ZC2HC1A: variants seen among roughly 807,000 people sequenced by gnomAD.
ZC2HC1A encodes zinc finger C2HC-type containing 1A.
ZC2HC1A carries 28 observed loss-of-function variants against 40.7 expected under a neutral mutation model. The ratio of observed to expected loss-of-function variants is 0.69; its 90% CI spans 0.51 to 0.94. ZC2HC1A has a LOEUF of 0.94. Ranked by LOEUF, ZC2HC1A falls within the 40% of genes least tolerant of loss-of-function variation. The probability of loss-of-function intolerance (pLI) is 0.00; values close to 1 mark genes in which losing one functional copy is unlikely to be tolerated. For synonymous variants in ZC2HC1A, 129 were observed against 129.2 expected, an observed-to-expected ratio of 1.00 and a Z score of 0.01; for missense variants, 389 against 386.3, an observed-to-expected ratio of 1.01 and a Z score of -0.06.
intron 5 of ZC2HC1A, among the ~76,000 whole-genome samples, chr8:78,690,270 T>C (rs77501914): frequency 0.037 from 5,630 of 152,302 alleles, 316 homozygotes; most frequent in African/African-American, 0.13. Flanking sequence ...TTTAAAATTT[T>C]CTTTGGCAGC....
At chr8:78,667,751 T>C (rs1809340056) in intron 1 of ZC2HC1A, among the ~76,000 whole-genome samples, 1 of 152,162 alleles carries the variant, frequency 6.6e-6, no homozygotes, top group East Asian at 1.9e-4. Flanking sequence ...TACATTTTAG[T>C]GGACCTTACA....
intron 5 of ZC2HC1A, among the ~76,000 whole-genome samples, chr8:78,696,335 G>A (rs1586010118): frequency 1.3e-5 from 2 of 152,002 alleles, no homozygotes; most frequent in Admixed American, 6.6e-5. Flanking sequence ...TGCCCAGCCC[G>A]TTAAAACCAA....
chr8:78,670,755 AG>A (rs1456349344), intron 1 of ZC2HC1A, among the ~76,000 whole-genome samples: 1 of 152,190 alleles, frequency 6.6e-6, no homozygotes, highest in Admixed American at 6.5e-5. Context: ...TAAAGTCCAG[AG>A]TTGGTTGTTT....
At chr8:78,705,476 C>CA (rs1282157143) in intron 7 of ZC2HC1A, among the ~76,000 whole-genome samples, 3 of 152,168 alleles carry the variant, frequency 2.0e-5, no homozygotes, top group African/African-American at 7.2e-5. Flanking sequence ...AGGGATGCCT[C>CA]AAACCTCTGT....
intron 5 of ZC2HC1A, among the ~76,000 whole-genome samples, chr8:78,692,204 C>T (rs990301208): frequency 6.6e-6 from 1 of 152,158 alleles, no homozygotes; most frequent in African/African-American, 2.4e-5. Context: ...CTTTCCCCCT[C>T]CCTTTAGCCT....
At chr8:78,710,478 A>G (rs1205926236) in intron 7 of ZC2HC1A, among the ~76,000 whole-genome samples, 1 of 152,038 alleles carries the variant, frequency 6.6e-6, no homozygotes, top group Non-Finnish European at 1.5e-5. Context: ...TCTTTCTTGA[A>G]CTGAACTTTG....
At chr8:78,680,286 CAAAAAAAAAAAAAAAAAAAAA>C (rs3070855) in intron 3 of ZC2HC1A, among the ~76,000 whole-genome samples, 1 of 88,152 alleles carries the variant, frequency 1.1e-5, no homozygotes, top group Non-Finnish European at 2.2e-5. Context: ...GACTCCGTCT[CAAAAAAAAAAAAAAAAAAAAA>C]AAAAAAAAGC....
chr8:78,712,977 A>G (rs1158773932), intron 7 of ZC2HC1A, among the ~76,000 whole-genome samples: 1 of 152,172 alleles, frequency 6.6e-6, no homozygotes, highest in African/African-American at 2.4e-5. Flanking sequence ...GCCATTTGCT[A>G]TTTTTAAGTA....
chr8:78,686,516 T>A lies in ZC2HC1A; in HGVS notation c.260T>A (p.Phe87Tyr), dbSNP rs1809979627. 1 of 1,550,062 alleles carries A rather than the reference T, an allele frequency of 6.5e-7. No individual in the cohort carries two copies. The highest frequency in any genetic ancestry group is 8.7e-7 in the Non-Finnish European group (1 of 1,147,622). ...AATTGGAGAAGGAAACATGAAGAAT[T>A]CATTGCTACCATAAGAGCAGCTAAA... ...PSNWRRKHEE[F>Y]IATIRAAKGL... The change falls in exon 4 of 9, where the codon TTC becomes TAC. Residue 87 changes from phenylalanine to tyrosine, a missense_variant. By Grantham distance (22) the Phe-to-Tyr change is conservative (BLOSUM62 3). Transcript: ENST00000263849.
intron 7 of ZC2HC1A, among the ~76,000 whole-genome samples, chr8:78,701,889 G>A (rs1470723958): frequency 2.0e-5 from 3 of 152,044 alleles, no homozygotes; most frequent in African/African-American, 7.2e-5. Flanking sequence ...GATTTGATTT[G>A]CTAGTATTTT....
chr8:78,716,478 TTTG>T (rs1295262562), intron 8 of ZC2HC1A, among the ~76,000 whole-genome samples: 1 of 151,984 alleles, frequency 6.6e-6, no homozygotes, highest in African/African-American at 2.4e-5. Context: ...TGCATAAGAG[TTTG>T]TTATTTATTG....
intron 3 of ZC2HC1A, among the ~76,000 whole-genome samples, chr8:78,684,171 C>T (rs1164367685): frequency 6.6e-6 from 1 of 152,200 alleles, no homozygotes; most frequent in Non-Finnish European, 1.5e-5. Flanking sequence ...CAGTACCCCA[C>T]TCCACCAGTA....
intron 2 of ZC2HC1A, among the ~76,000 whole-genome samples, chr8:78,676,866 G>A (rs1809598718): frequency 6.6e-6 from 1 of 151,676 alleles, no homozygotes; most frequent in African/African-American, 2.4e-5. Flanking sequence ...TTAACTTAAT[G>A]ATGTTATTAT....
intron 7 of ZC2HC1A, among the ~76,000 whole-genome samples, chr8:78,714,050 A>C (rs1463185343): frequency 6.6e-6 from 1 of 152,164 alleles, no homozygotes; most frequent in Non-Finnish European, 1.5e-5. Flanking sequence ...TTTCAACTAA[A>C]GTTTAAGAAC....
rs1810063508 is a variant in ZC2HC1A at position 78,687,821 on chromosome 8, ATATT to A, written c.352+1214_352+1217del. Among the ~76,000 whole-genome samples the A allele has an allele frequency of 3.1e-5, 4 of 127,082 alleles. No homozygotes were observed. In the Admixed American group the frequency reaches 3.8e-4, roughly 12 times the overall value. 83.4% of individuals were successfully genotyped at this position (127,082 alleles called of 152,430 possible). A position where few individuals can be genotyped will look rare whatever the true frequency, so the allele number is the denominator to read the frequency against. On this transcript the variant is annotated intron_variant, in intron 4 of 8. Coordinates refer to ENST00000263849, the MANE Select transcript of ZC2HC1A (RefSeq NM_016010.3). ...ATATATATTCATGTAATAAATATATATATTCATGTAATAAATTATATATATATTT... is the reference window on the plus strand; with the variant it reads ...ATATATATTCATGTAATAAATATATACATGTAATAAATTATATATATATTT...
Position 78,681,076 on chromosome 8 carries a change from T to C in ZC2HC1A, c.210+2397T>C, listed in dbSNP as rs2130456866. Reference sequence around the variant, plus strand: ...GGGCCTAACATAAAAGGCTGTGACCTTTTTTTTTTTTGAAGTGGTTCTCAT... The same window carrying C: ...GGGCCTAACATAAAAGGCTGTGACCCTTTTTTTTTTTGAAGTGGTTCTCAT... On this transcript the variant is annotated intron_variant, in intron 3 of 8. Transcript: ENST00000263849. Among the ~76,000 whole-genome samples, 5 of 140,368 alleles carry C rather than the reference T, an allele frequency of 3.6e-5. No individual in the cohort carries two copies. In the Middle Eastern group the frequency reaches 0.019, roughly 524 times the overall value. The allele number at this position is 140,368 out of a possible 152,430, so 92.1% of individuals were successfully genotyped here.
At chr8:78,674,028 A>G (rs1809504250) in intron 1 of ZC2HC1A, among the ~76,000 whole-genome samples, 1 of 152,150 alleles carries the variant, frequency 6.6e-6, no homozygotes, top group South Asian at 2.1e-4. Flanking sequence ...ATATTATTAT[A>G]TGGTAATATT....
intron 2 of ZC2HC1A, among the ~76,000 whole-genome samples, chr8:78,678,332 G>T (rs1385073295): frequency 6.6e-6 from 1 of 152,114 alleles, no homozygotes; most frequent in African/African-American, 2.4e-5. Flanking sequence ...CATGTTAGAA[G>T]AGTGTTTATA....
chr8:78,714,422 A>G (rs2130612363), intron 7 of ZC2HC1A, among the ~76,000 whole-genome samples: 1 of 152,316 alleles, frequency 6.6e-6, no homozygotes, highest in East Asian at 1.9e-4. Context: ...AGCATCAGCT[A>G]TCTAAATGTT....
Sources: allele counts gnomAD v4.1 joint callset (sites outside exome capture counted in the v4.1 genomes callset), GRCh38; gene constraint gnomAD v4.1.1; transcripts MANE v1.5; gene names NCBI Gene and HGNC (gene_info 2026-07-23, HGNC 2026-07-21).